The following NALCN variants were observed in gnomAD, a reference collection of about 807,000 sequenced individuals.
The protein encoded by NALCN is sodium leak channel, non-selective, also known as sodium leak channel NALCN.
NALCN carries 111 observed loss-of-function variants against 225.3 expected under a neutral mutation model. The observed-to-expected ratio is 0.49, with a 90% CI of 0.42 to 0.58. The LOEUF (loss-of-function observed/expected upper bound fraction) is 0.58. Ranked by LOEUF, NALCN falls within the 20% of genes least tolerant of loss-of-function variation. NALCN has a pLI of 0.00. For synonymous variants in NALCN, 764 were observed against 769.0 expected (o/e 0.99, Z 0.11); for missense variants, 1,378 against 2,202.4 (o/e 0.63, Z 7.49).
intron 6 of NALCN, among the ~76,000 whole-genome samples, chr13:101,347,703 A>G (rs1701040878): frequency 6.6e-6 from 1 of 152,128 alleles, no homozygotes; most frequent in African/African-American, 2.4e-5. Flanking sequence ...TGTGTGACTT[A>G]AATAAGGCTC....
rs1259464417 is a variant in NALCN, at chr13:101,159,952, AT to A, written c.1840-15057del. ...TTTTTGTTTTTTGTTATTTTTTGTT[AT>A]TTTTATTTTATTTTATTTTGAGACG... On this transcript the variant is annotated intron_variant, in intron 15 of 43. Transcript: ENST00000251127. 5.3e-5 allele frequency among the ~76,000 whole-genome samples: 6 copies of A among 113,412 alleles called. No homozygotes were observed. The East Asian group carries it at 1.0e-3, about 20-fold the overall frequency. The allele number at this position is 113,412 out of a possible 152,430, so 74.4% of individuals were successfully genotyped here.
chr13:101,331,035 T>C (rs1594689139), intron 7 of NALCN, among the ~76,000 whole-genome samples: 1 of 152,298 alleles, frequency 6.6e-6, no homozygotes. Flanking sequence ...CACATTAATA[T>C]ATTCTTTAAG....
At chr13:101,140,223 C>T (rs1298102580) in intron 17 of NALCN, among the ~76,000 whole-genome samples, 1 of 152,100 alleles carries the variant, frequency 6.6e-6, no homozygotes, top group Non-Finnish European at 1.5e-5. Flanking sequence ...ACGTGTTATT[C>T]CAACTGTACC....
chr13:101,323,111 A>G (rs2044812107), intron 7 of NALCN, among the ~76,000 whole-genome samples: 1 of 152,246 alleles, frequency 6.6e-6, no homozygotes. Flanking sequence ...ATGACTTACC[A>G]TTATTAACAT....
At chr13:101,358,632 T>C (rs2046133249) in intron 6 of NALCN, among the ~76,000 whole-genome samples, 1 of 152,202 alleles carries the variant, frequency 6.6e-6, no homozygotes, top group African/African-American at 2.4e-5. Flanking sequence ...TGGAAGACAA[T>C]GTGATGATTC....
In NALCN at chr13:101,345,312, C is replaced by A. The variant is rs1366221594; in HGVS notation, c.753G>T (p.Leu251=). Residue 251 remains leucine (L), a synonymous_variant, in exon 7 of 44, where the codon CTG becomes CTT. Transcript: ENST00000251127. The stretch of plus-strand genomic sequence containing the variant: ...AGCCCAGCTCTTGCCTGCTAAGTCC[C>A]AGATCTTCAAGGTCCATGCATTTAA... ...PGFKCMDLED[L]GLSRQELGYS... 2 of 1,613,616 alleles carry A rather than the reference C, an allele frequency of 1.2e-6. No individual in the cohort carries two copies. The highest frequency in any genetic ancestry group is 2.7e-5 in the African/African-American group (2 of 74,856).
intron 13 of NALCN, among the ~76,000 whole-genome samples, chr13:101,214,489 CTT>C (rs1270380068): frequency 8.5e-5 from 12 of 140,886 alleles, no homozygotes; most frequent in Admixed American, 6.1e-4. Context: ...AGTACTGTTT[CTT>C]CTTCTCAAAA....
At chr13:101,144,583 G>A (rs1183983044) in intron 16 of NALCN, among the ~76,000 whole-genome samples, 177 bp downstream of exon 16, 2 of 152,178 alleles carry the variant, frequency 1.3e-5, no homozygotes, top group Non-Finnish European at 2.9e-5. Context: ...GCTTAAAAGA[G>A]TCAAAGTTGT....
intron 7 of NALCN, among the ~76,000 whole-genome samples, chr13:101,334,487 A>AGAGAGGCAAT (rs1397517087): frequency 1.3e-5 from 2 of 151,940 alleles, no homozygotes; most frequent in African/African-American, 2.4e-5. Flanking sequence ...AAGAGAATGG[A>AGAGAGGCAAT]CTGCCAGTGT....
chr13:101,188,693 T>A (rs1009755609), intron 14 of NALCN, among the ~76,000 whole-genome samples: 1 of 150,962 alleles, frequency 6.6e-6, no homozygotes, highest in African/African-American at 2.4e-5. Context: ...TATATATATA[T>A]ATTTTTTTGA....
At chr13:101,264,760 G>T (rs1435531167) in intron 10 of NALCN, among the ~76,000 whole-genome samples, 1 of 152,152 alleles carries the variant, frequency 6.6e-6, no homozygotes, top group African/African-American at 2.4e-5. Flanking sequence ...ATGCTGGCTG[G>T]AATGTAATAT....
intron 15 of NALCN, among the ~76,000 whole-genome samples, chr13:101,164,443 C>T (rs1452107): frequency 0.29 from 43,479 of 151,864 alleles, 6,894 homozygotes; most frequent in East Asian, 0.64. Context: ...AGGTATGGAC[C>T]ACCACACTGC....
At chr13:101,394,864 C>G (rs1342004696) in intron 3 of NALCN, among the ~76,000 whole-genome samples, 3 of 152,164 alleles carry the variant, frequency 2.0e-5, no homozygotes, top group Non-Finnish European at 2.9e-5. Flanking sequence ...TGGGCCAGCC[C>G]CTGTGCTGGG....
chr13:101,367,699 G>A (rs1209063466), intron 6 of NALCN, among the ~76,000 whole-genome samples: 5 of 152,080 alleles, frequency 3.3e-5, no homozygotes, highest in Non-Finnish European at 4.4e-5. Context: ...TGTATATGTT[G>A]AAGGTTACAT....
intron 22 of NALCN, among the ~76,000 whole-genome samples, chr13:101,106,125 T>C (rs997149470): frequency 6.6e-6 from 1 of 152,176 alleles, no homozygotes; most frequent in Non-Finnish European, 1.5e-5. Context: ...TCTCCTTGAC[T>C]TGTGGAGAGC....
At chr13:101,099,404 A>G (rs2034687890) in intron 27 of NALCN, among the ~76,000 whole-genome samples, 1 of 152,112 alleles carries the variant, frequency 6.6e-6, no homozygotes, top group African/African-American at 2.4e-5. Flanking sequence ...CAATTAGAGA[A>G]CAATTTGTAT....
chr13:101,248,826 C>T (rs2041977087), intron 11 of NALCN, among the ~76,000 whole-genome samples: 1 of 152,096 alleles, frequency 6.6e-6, no homozygotes, highest in African/African-American at 2.4e-5. Flanking sequence ...TAGCACTTTC[C>T]TGATTTCTGT....
rs116943025 is a variant in NALCN at position 101,100,475 on chromosome 13, G to A, written c.3162+309C>T. Among the ~76,000 whole-genome samples, 81 of 152,274 alleles carry A rather than the reference G, an allele frequency of 5.3e-4. 2 individuals are homozygous for A. The East Asian group carries it at 0.01, about 19-fold the overall frequency. On this transcript the variant is annotated intron_variant, in intron 27 of 43. Transcript: ENST00000251127. The stretch of plus-strand genomic sequence containing the variant: ...CATATCACATGCTTAAGCAAAAAGG[G>A]GTTTGTGGGAAGAGAATTCTTAGGG...
chr13:101,259,380 C>T (rs1182134708), intron 10 of NALCN, among the ~76,000 whole-genome samples: 1 of 151,978 alleles, frequency 6.6e-6, no homozygotes, highest in South Asian at 2.1e-4. Flanking sequence ...CTCGCCCAGG[C>T]TAGAGTGCAG....
Sources: allele counts gnomAD v4.1 joint callset (sites outside exome capture counted in the v4.1 genomes callset), GRCh38; gene constraint gnomAD v4.1.1; transcripts MANE v1.5; gene names NCBI Gene and HGNC (gene_info 2026-07-23, HGNC 2026-07-21).